Variants in DPY19L1 observed in about 807,000 individuals in gnomAD.
The protein encoded by DPY19L1 is protein C-mannosyl-transferase DPY19L1.
A neutral mutation model predicts 96.9 loss-of-function variants in DPY19L1; 35 were observed. The ratio of observed to expected loss-of-function variants is 0.36; its 90% CI spans 0.28 to 0.48. DPY19L1 has a LOEUF of 0.48. DPY19L1 is among the 20% of genes least tolerant of loss of function. The pLI, the probability that DPY19L1 is intolerant of heterozygous loss-of-function variation, is 0.99. For missense variants in DPY19L1, 521 were observed against 777.9 expected (o/e 0.67, Z 3.93); for synonymous variants, 205 against 252.6 (o/e 0.81, Z 1.79).
intron 21 of DPY19L1, among the ~76,000 whole-genome samples, chr7:34,936,750 C>A (rs1223738475): frequency 2.0e-5 from 3 of 152,168 alleles, no homozygotes; most frequent in African/African-American, 7.2e-5. Flanking sequence ...ACGTAGCACA[C>A]GTTCATAGGA....
At chr7:34,942,584 A>G in intron 17 of DPY19L1, 31 bp downstream of exon 17, 1 of 1,547,170 alleles carries the variant, frequency 6.5e-7, no homozygotes, top group Non-Finnish European at 8.8e-7. Context: ...ACTTTAAGAT[A>G]AGTAAAATTA....
intron 13 of DPY19L1, 94 bp from the exon 14 acceptor site, chr7:34,949,992 A>G (rs1784237843): frequency 1.6e-6 from 1 of 640,428 alleles, no homozygotes; most frequent in African/African-American, 1.9e-5. Flanking sequence ...TCATTACATT[A>G]TAGAGCCCAC....
rs145635836 is a variant in DPY19L1 at position 34,990,248 on chromosome 7, C to A, written c.765-307G>T. 3.8e-3 allele frequency among the ~76,000 whole-genome samples: 583 copies of A among 152,268 alleles called. 7 individuals are homozygous for A. Among genetic ancestry groups the A allele is most frequent in the African/African-American group, 0.012 (496 of 41,560 alleles). ...CTGTACATCACGCAACCTGATATTT[C>A]TTTTTATTTTCTTTAGTACCTCATA... On this transcript the variant is annotated intron_variant, in intron 6 of 21. Transcript: ENST00000638088.
intron 13 of DPY19L1, among the ~76,000 whole-genome samples, chr7:34,953,217 A>G (rs1420646021): frequency 2.6e-5 from 4 of 152,196 alleles, no homozygotes; most frequent in Admixed American, 2.6e-4. Context: ...TTATGAGCCA[A>G]TGCCCTTAAT....
intron 11 of DPY19L1, among the ~76,000 whole-genome samples, chr7:34,955,950 A>G (rs1784369180): frequency 9.0e-6 from 1 of 111,118 alleles, no homozygotes. Context: ...ATGTGATACA[A>G]TTCAGGTTTC....
intron 1 of DPY19L1, among the ~76,000 whole-genome samples, chr7:35,024,485 A>T (rs1466535876): frequency 2.0e-5 from 3 of 152,092 alleles, no homozygotes. Context: ...AGTACAATCC[A>T]TCCTAGGGGG....
chr7:34,995,257 T>C (rs991214823), intron 6 of DPY19L1, among the ~76,000 whole-genome samples: 1 of 152,086 alleles, frequency 6.6e-6, no homozygotes, highest in African/African-American at 2.4e-5. Flanking sequence ...TCAGAATACC[T>C]AAAATTTTTA....
At chr7:34,931,845 T>A (rs1783759202) in intron 21 of DPY19L1, 116 bp from the exon 22 acceptor site, 9 of 1,395,104 alleles carry the variant, frequency 6.5e-6, no homozygotes, top group Non-Finnish European at 8.6e-6. Flanking sequence ...ATTACTTTAG[T>A]TTTTAAACAA....
At chr7:34,954,097 C>T (rs1395300664) in intron 13 of DPY19L1, among the ~76,000 whole-genome samples, 1 of 152,142 alleles carries the variant, frequency 6.6e-6, no homozygotes, top group Non-Finnish European at 1.5e-5. Context: ...TCTTTGATAG[C>T]CTCCTGACTT....
chr7:35,008,407 T>A (rs1785617215), intron 6 of DPY19L1, among the ~76,000 whole-genome samples: 1 of 152,198 alleles, frequency 6.6e-6, no homozygotes, highest in Non-Finnish European at 1.5e-5. Flanking sequence ...CAAAAACCCC[T>A]CAACCAAAAC....
chr7:34,935,971 A>G (rs1290496140), intron 21 of DPY19L1, among the ~76,000 whole-genome samples: 1 of 152,084 alleles, frequency 6.6e-6, no homozygotes, highest in Non-Finnish European at 1.5e-5. Flanking sequence ...TAGATCTTGT[A>G]CTAGATGGAG....
At chr7:34,971,568 C>G (rs1178805597) in intron 8 of DPY19L1, among the ~76,000 whole-genome samples, 1 of 152,138 alleles carries the variant, frequency 6.6e-6, no homozygotes. Context: ...AATATGAGAA[C>G]AGAAATGCCA....
intron 10 of DPY19L1, among the ~76,000 whole-genome samples, chr7:34,961,398 A>G (rs1382079194): frequency 2.6e-5 from 4 of 152,200 alleles, no homozygotes; most frequent in Non-Finnish European, 4.4e-5. Context: ...GTGGAGCAAA[A>G]ATAGTCCTTT....
chr7:34,984,589 GCT>G (rs554541867), intron 7 of DPY19L1, among the ~76,000 whole-genome samples: 31 of 152,254 alleles, frequency 2.0e-4, no homozygotes, highest in Non-Finnish European at 4.3e-4. Context: ...AGATTAACAT[GCT>G]CTGTTTTTAT....
chr7:34,991,747 ATCTC>A (rs987817225), intron 6 of DPY19L1, among the ~76,000 whole-genome samples: 6 of 152,134 alleles, frequency 3.9e-5, no homozygotes, highest in Admixed American at 2.6e-4. Context: ...GTTCTTCCAA[ATCTC>A]TCTCTCTAAC....
intron 3 of DPY19L1, among the ~76,000 whole-genome samples, chr7:35,015,762 C>G (rs1160923993): frequency 6.6e-6 from 1 of 152,212 alleles, no homozygotes; most frequent in Non-Finnish European, 1.5e-5. Flanking sequence ...AGGTAAACTT[C>G]TTTTCACTTT....
At chr7:35,006,188 T>C (rs911140790) in intron 6 of DPY19L1, among the ~76,000 whole-genome samples, 7 of 152,216 alleles carry the variant, frequency 4.6e-5, no homozygotes, top group Admixed American at 6.5e-5. Context: ...TATAGACATA[T>C]GTATTTTTCC....
At chr7:35,024,250 G>T (rs1052122906) in intron 1 of DPY19L1, among the ~76,000 whole-genome samples, 5 of 152,148 alleles carry the variant, frequency 3.3e-5, no homozygotes, top group African/African-American at 1.2e-4. Flanking sequence ...GCACGCTAAA[G>T]ACTTTTGGCA....
upstream of DPY19L1, chr7:35,037,683 G>A (rs1428756583): frequency 3.3e-6 from 1 of 306,578 alleles, no homozygotes; most frequent in African/African-American, 2.3e-5. Context: ...CGGGGGCGGG[G>A]ACACCCTGCG....
Sources: gnomAD v4.1 joint callset for allele counts (sites outside exome capture counted in the v4.1 genomes callset) on GRCh38, gnomAD v4.1.1 for gene constraint, MANE v1.5 for transcripts, NCBI Gene and HGNC (gene_info 2026-07-23, HGNC 2026-07-21) for gene names.